The following RBFOX1 variants were observed in gnomAD, a reference collection of about 807,000 sequenced individuals.
The protein encoded by RBFOX1 is RNA binding fox-1 homolog 1.
Under a neutral mutation model 57.7 loss-of-function variants are expected in RBFOX1, and 8 were observed. The observed-to-expected ratio is 0.14, with a 90% CI of 0.08 to 0.25. RBFOX1 has a LOEUF of 0.25. Among genes scored for constraint, RBFOX1 ranks in the 10% least tolerant of loss-of-function variants. The pLI is 1.00. For missense variants in RBFOX1, 611 were observed against 548.5 expected (o/e 1.11, Z -1.14); for synonymous variants, 326 against 222.4 (o/e 1.47, Z -4.15).
intron 4 of RBFOX1, among the ~76,000 whole-genome samples, chr16:7,439,043 T>A (rs2098744939): frequency 1.3e-5 from 2 of 152,282 alleles, no homozygotes; most frequent in Admixed American, 6.5e-5. Flanking sequence ...ACCACCGCAC[T>A]TTGTTTTGTT....
intron 4 of RBFOX1, among the ~76,000 whole-genome samples, chr16:7,061,148 G>T (rs1177809077): frequency 2.6e-5 from 4 of 152,146 alleles, no homozygotes; most frequent in Non-Finnish European, 4.4e-5. Flanking sequence ...AAGGGAGTTT[G>T]CCCCAAAGTA....
intron 1 of RBFOX1, among the ~76,000 whole-genome samples, chr16:6,305,425 C>T (rs1599423821): frequency 6.6e-6 from 1 of 152,192 alleles, no homozygotes; most frequent in East Asian, 1.9e-4. Flanking sequence ...CTTCTTTTTC[C>T]TGTTAATTTT....
chr16:6,030,893 C>G (rs145472798), intron 1 of RBFOX1, among the ~76,000 whole-genome samples: 1 of 152,094 alleles, frequency 6.6e-6, no homozygotes, highest in Admixed American at 6.5e-5. Context: ...ATGCTCTGGG[C>G]CAGGCACTGT....
intron 3 of RBFOX1, among the ~76,000 whole-genome samples, chr16:5,782,526 C>T (rs927340985): frequency 2.0e-5 from 3 of 152,136 alleles, no homozygotes; most frequent in African/African-American, 7.2e-5. Context: ...AGAATTTGGG[C>T]AAATACATCT....
intron 4 of RBFOX1, among the ~76,000 whole-genome samples, chr16:7,472,985 G>A (rs1194655842): frequency 3.8e-5 from 4 of 106,128 alleles, no homozygotes; most frequent in African/African-American, 1.2e-4. Flanking sequence ...TGTGATGTCA[G>A]CAAGCTCTCC....
chr16:6,095,898 C>T (rs77744668), intron 1 of RBFOX1, among the ~76,000 whole-genome samples: 1,801 of 152,278 alleles, frequency 0.012, 43 homozygotes, highest in African/African-American at 0.041. Flanking sequence ...GGCGTGCCTT[C>T]CCACAGGCTC....
chr16:6,798,458 A>G (rs1024113723), intron 3 of RBFOX1, among the ~76,000 whole-genome samples: 2 of 152,168 alleles, frequency 1.3e-5, no homozygotes, highest in African/African-American at 2.4e-5. Context: ...TATGTTGTTT[A>G]ATTCAGAATG....
At chr16:5,546,639 C>G (rs1459911322) in intron 2 of RBFOX1, among the ~76,000 whole-genome samples, 1 of 152,150 alleles carries the variant, frequency 6.6e-6, no homozygotes, top group Non-Finnish European at 1.5e-5. Context: ...GATATACAAC[C>G]TAAATCTGTA....
At position 7,155,760 on chromosome 16, in the gene RBFOX1, C is replaced by G. The variant is rs913023700; in HGVS notation, c.27+103662C>G. Among the ~76,000 whole-genome samples, 5 of 138,462 alleles carry G rather than the reference C, an allele frequency of 3.6e-5. No homozygotes were observed. The East Asian group carries it at 1.0e-3, about 29-fold the overall frequency. 90.8% of individuals were successfully genotyped at this position (138,462 alleles called of 152,430 possible). ...ATATACACACACACACACACACACA[C>G]ACACATATATATACAGACACATATA... On this transcript the variant is annotated intron_variant, in intron 4 of 15. Coordinates refer to ENST00000550418, the MANE Select transcript of RBFOX1 (RefSeq NM_018723.4).
chr16:7,078,219 G>C (rs1396730199), intron 4 of RBFOX1, among the ~76,000 whole-genome samples: 1 of 152,192 alleles, frequency 6.6e-6, no homozygotes, highest in Non-Finnish European at 1.5e-5. Flanking sequence ...AGGCAAACCA[G>C]CTGATGTCCA....
At chr16:7,215,674 G>A (rs949301155) in intron 4 of RBFOX1, among the ~76,000 whole-genome samples, 15 of 151,110 alleles carry the variant, frequency 9.9e-5, no homozygotes, top group African/African-American at 2.7e-4. Flanking sequence ...GTTCCCCAAT[G>A]CTAGGCCACC....
chr16:6,735,332 C>T (rs2069876206), intron 3 of RBFOX1, among the ~76,000 whole-genome samples: 1 of 152,204 alleles, frequency 6.6e-6, no homozygotes, highest in African/African-American at 2.4e-5. Context: ...AAACTCTAAA[C>T]CTGGTTACTT....
intron 4 of RBFOX1, among the ~76,000 whole-genome samples, chr16:7,210,009 A>G (rs562178057): frequency 6.6e-6 from 1 of 152,282 alleles, no homozygotes; most frequent in African/African-American, 2.4e-5. Flanking sequence ...TCTAAAAATG[A>G]TCATTCTCCA....
At chr16:6,869,024 C>T (rs1272291238) in intron 3 of RBFOX1, among the ~76,000 whole-genome samples, 1 of 152,200 alleles carries the variant, frequency 6.6e-6, no homozygotes, top group Non-Finnish European at 1.5e-5. Flanking sequence ...AAAGTTCCAG[C>T]CAACCTGTAT....
At chr16:6,354,251 A>T (rs2086894390) in intron 2 of RBFOX1, among the ~76,000 whole-genome samples, 1 of 151,932 alleles carries the variant, frequency 6.6e-6, no homozygotes, top group African/African-American at 2.4e-5. Context: ...ACACACATAG[A>T]TATATATAAA....
At chr16:5,988,594 G>A (rs2060327688) in intron 4 of RBFOX1, among the ~76,000 whole-genome samples, 4 of 152,048 alleles carry the variant, frequency 2.6e-5, no homozygotes, top group African/African-American at 9.7e-5. Context: ...GCCTCCACTG[G>A]GACGACTGAG....
At chr16:6,004,809 C>G (rs2060664890) in intron 4 of RBFOX1, among the ~76,000 whole-genome samples, 1 of 152,136 alleles carries the variant, frequency 6.6e-6, no homozygotes, top group Admixed American at 6.6e-5. Flanking sequence ...GTAAATCATT[C>G]CATCTGACAT....
intron 3 of RBFOX1, among the ~76,000 whole-genome samples, chr16:5,618,670 A>G (rs756474392): frequency 2.6e-5 from 4 of 152,194 alleles, no homozygotes; most frequent in Non-Finnish European, 4.4e-5. Context: ...TTATACCTCA[A>G]AAAAACTGTT....
intron 13 of RBFOX1, among the ~76,000 whole-genome samples, chr16:7,673,666 C>T (rs2072332048): frequency 6.6e-6 from 1 of 152,186 alleles, no homozygotes; most frequent in Admixed American, 6.5e-5. Flanking sequence ...ATGAGTGGAT[C>T]ACTTTGGTGG....
Sources: gnomAD v4.1 joint callset for allele counts (sites outside exome capture counted in the v4.1 genomes callset) on GRCh38, gnomAD v4.1.1 for gene constraint, MANE v1.5 for transcripts, NCBI Gene and HGNC (gene_info 2026-07-23, HGNC 2026-07-21) for gene names.